The following SLC14A2 variants were observed in gnomAD, a reference collection of about 807,000 sequenced individuals.
SLC14A2 encodes solute carrier family 14 member 2, also known as urea transporter 2.
A neutral mutation model predicts 104.6 loss-of-function variants in SLC14A2; 91 were observed. That is an observed-to-expected ratio of 0.87 (90% CI 0.73 to 1.04). SLC14A2 has a LOEUF of 1.04. Ranked by LOEUF, SLC14A2 falls within the 50% of genes least tolerant of loss-of-function variation. The pLI is 0.00. For synonymous variants in SLC14A2, 476 were observed against 466.4 expected (o/e 1.02, Z -0.27); for missense variants, 1,189 against 1,156.0 (o/e 1.03, Z -0.41).
chr18:45,553,764 G>A (rs1398164100), intron 2 of SLC14A2, among the ~76,000 whole-genome samples: 1 of 152,114 alleles, frequency 6.6e-6, no homozygotes, highest in Non-Finnish European at 1.5e-5. Context: ...GCTTCAGTTG[G>A]CCCTAAGCAG....
intron 10 of SLC14A2, chr18:45,646,718 G>A (rs1171300816): frequency 6.6e-6 from 1 of 151,744 alleles, no homozygotes; most frequent in Non-Finnish European, 1.5e-5. Context: ...GAGAGCTCCT[G>A]GAGTGATCTT....
Position 45,672,886 on chromosome 18 carries a change from TG to T in SLC14A2, c.2230-13del, listed in dbSNP as rs1327799400. ...TGCCTCCATAATGAGCATGTAATCC[TG>T]TTATGCCTACAGCTTTTGAGAGCCA... On this transcript the variant is annotated splice_polypyrimidine_tract_variant and intron_variant, in intron 16 of 19. Transcript: ENST00000255226. 3.1e-6 allele frequency: 5 copies of T among 1,610,356 alleles called. No homozygotes were observed. The African/African-American group carries it at 5.3e-5, about 17-fold the overall frequency.
At position 45,423,646 on chromosome 18, in the gene SLC14A2, T is replaced by C. The variant is rs538107031; in HGVS notation, c.-124-59587T>C. On this transcript the variant is annotated intron_variant, in intron 1 of 20. Transcript: ENST00000586448. ...TGACCTCTGAGCTGGAAATCAAGCT[T>C]TTTGACAGTCACAAATAAAAAAAAA... The C allele has an allele frequency of 6.6e-5, 10 of 152,262 alleles. No homozygotes were observed. In the South Asian group the frequency reaches 1.9e-3, roughly 28 times the overall value. 9.4% of individuals were successfully genotyped at this position (152,262 alleles called of 1,614,324 possible). A position where few individuals can be genotyped will look rare whatever the true frequency, so the allele number is the denominator to read the frequency against.
At chr18:45,583,680 CAT>C (rs1290267038) in intron 2 of SLC14A2, among the ~76,000 whole-genome samples, 1 of 151,982 alleles carries the variant, frequency 6.6e-6, no homozygotes, top group African/African-American at 2.4e-5. Context: ...GGAAATAAAA[CAT>C]ATAGAATAGC....
the SLC14A2 span, among the ~76,000 whole-genome samples, chr18:45,192,970 CTTA>C: frequency 2.0e-5 from 3 of 152,182 alleles, no homozygotes; most frequent in South Asian, 6.2e-4. Flanking sequence ...GTAGTGGTAT[CTTA>C]TTATGGCTTT....
At chr18:45,215,158 G>GA (rs1031506800) in intron 1 of SLC14A2, among the ~76,000 whole-genome samples, 2 of 151,960 alleles carry the variant, frequency 1.3e-5, no homozygotes, top group Admixed American at 6.6e-5. Context: ...ATTGTGCCAG[G>GA]AAAAAAATGC....
rs149270296 is a variant in SLC14A2 at position 45,359,896 on chromosome 18, T to A, written c.-124-123337T>A. On this transcript the variant is annotated intron_variant, in intron 1 of 20. Transcript: ENST00000586448. ...ACAGAAACAGAGCTTCCCTCACCTA[T>A]ATGGTAAAGTTCACATTTCTTAGCT... is the stretch of plus-strand genomic sequence containing the variant. 4.4e-3 allele frequency among the ~76,000 whole-genome samples: 669 copies of A among 152,290 alleles called. 4 individuals carry two copies. Among genetic ancestry groups the A allele is most frequent in the African/African-American group, 0.015 (641 of 41,560 alleles).
chr18:45,559,529 G>A (rs2044175929), intron 2 of SLC14A2, among the ~76,000 whole-genome samples: 1 of 152,184 alleles, frequency 6.6e-6, no homozygotes, highest in Non-Finnish European at 1.5e-5. Context: ...AGGTTCCAGT[G>A]TCCAAATAGG....
intron 1 of SLC14A2, among the ~76,000 whole-genome samples, chr18:45,324,197 T>G (rs961917723): frequency 1.3e-5 from 2 of 152,192 alleles, no homozygotes; most frequent in African/African-American, 4.8e-5. Flanking sequence ...GAACACTCTG[T>G]TAAGGATCCT....
At chr18:45,410,272 A>G (rs936645629) in intron 1 of SLC14A2, among the ~76,000 whole-genome samples, 1 of 152,222 alleles carries the variant, frequency 6.6e-6, no homozygotes, top group Non-Finnish European at 1.5e-5. Flanking sequence ...GCCACAGACC[A>G]GTACCAGTCT....
intron 2 of SLC14A2, among the ~76,000 whole-genome samples, chr18:45,561,877 G>T (rs946986000): frequency 1.4e-4 from 21 of 151,720 alleles, no homozygotes; most frequent in Middle Eastern, 6.8e-3. Context: ...TTTCTATTTG[G>T]GGATCTATAT....
Position 45,491,254 on chromosome 18 carries a change from GAGTT to G in SLC14A2, c.-35+7933_-35+7936del, listed in dbSNP as rs755794597. 3.4e-4 allele frequency among the ~76,000 whole-genome samples: 52 copies of G among 152,316 alleles called. 1 individual carries two copies. The highest frequency in any genetic ancestry group is 6.3e-4 in the Non-Finnish European group (43 of 68,028). On this transcript the variant is annotated intron_variant, in intron 2 of 20. Coordinates refer to the SLC14A2 transcript ENST00000586448. Reference sequence around the variant, plus strand: ...GAAAACACTGTACAGGCACAGCAGTGAGTTCCCGTGAGCTAGATGCAGGCATCAA... The same window carrying G: ...GAAAACACTGTACAGGCACAGCAGTGCCCGTGAGCTAGATGCAGGCATCAA...
At chr18:45,586,582 G>A (rs1354570163) in intron 2 of SLC14A2, among the ~76,000 whole-genome samples, 1 of 152,234 alleles carries the variant, frequency 6.6e-6, no homozygotes, top group African/African-American at 2.4e-5. Flanking sequence ...GCAGGCCATT[G>A]TACCAGTCCA....
intron 5 of SLC14A2, among the ~76,000 whole-genome samples, chr18:45,636,608 T>C (rs1035528716): frequency 1.9e-4 from 29 of 152,252 alleles, no homozygotes; most frequent in African/African-American, 6.5e-4. Flanking sequence ...ACAATAGTCA[T>C]TGTACACCTT....
chr18:45,214,788 A>G (rs1430337715), intron 1 of SLC14A2, among the ~76,000 whole-genome samples: 1 of 152,118 alleles, frequency 6.6e-6, no homozygotes. Context: ...GTCATCATTA[A>G]CAACAAACAT....
At chr18:45,486,292 C>T (rs573992094) in intron 2 of SLC14A2, among the ~76,000 whole-genome samples, 4 of 151,860 alleles carry the variant, frequency 2.6e-5, no homozygotes, top group Non-Finnish European at 4.4e-5. Flanking sequence ...CTGTGTCTTG[C>T]GGGTTTATAA....
At chr18:45,480,080 T>C (rs963260743) in intron 1 of SLC14A2, among the ~76,000 whole-genome samples, 1 of 152,104 alleles carries the variant, frequency 6.6e-6, no homozygotes, top group African/African-American at 2.4e-5. Flanking sequence ...GCCTTTGACT[T>C]AAGGAAGCAA....
chr18:45,187,730 T>TA, the SLC14A2 span, among the ~76,000 whole-genome samples: 1 of 151,804 alleles, frequency 6.6e-6, no homozygotes, highest in Non-Finnish European at 1.5e-5. Context: ...TATGTTCTGC[T>TA]AATTACTCCC....
At chr18:45,402,536 T>C (rs558909212) in intron 1 of SLC14A2, among the ~76,000 whole-genome samples, 1 of 152,342 alleles carries the variant, frequency 6.6e-6, no homozygotes, top group African/African-American at 2.4e-5. Flanking sequence ...AACTATACCA[T>C]TTGTGTGTTT....
Sources: gnomAD v4.1 joint callset for allele counts (sites outside exome capture counted in the v4.1 genomes callset) on GRCh38, gnomAD v4.1.1 for gene constraint, MANE v1.5 for transcripts, NCBI Gene and HGNC (gene_info 2026-07-23, HGNC 2026-07-21) for gene names.